The following LYPLAL1 variants were observed in gnomAD, a reference collection of about 807,000 sequenced individuals.
The protein encoded by LYPLAL1 is lysophospholipase like 1.
LYPLAL1 carries 23 observed loss-of-function variants against 19.7 expected under a neutral mutation model. The ratio of observed to expected loss-of-function variants is 1.17; its 90% CI spans 0.84 to 1.65. The LOEUF is 1.65. LYPLAL1 is among the 40% of genes most tolerant of loss of function. LYPLAL1 has a pLI of 0.00. For missense variants in LYPLAL1, 355 were observed against 279.4 expected (o/e 1.27, Z -1.93); for synonymous variants, 119 against 96.3 (o/e 1.24, Z -1.38).
the LYPLAL1 span, among the ~76,000 whole-genome samples, chr1:219,441,214 G>A: frequency 6.6e-6 from 1 of 152,294 alleles, no homozygotes; most frequent in East Asian, 1.9e-4. Flanking sequence ...ATGCTGATTT[G>A]AAGATATTTT....
intron 2 of LYPLAL1, among the ~76,000 whole-genome samples, chr1:219,181,011 T>C (rs1656230790): frequency 6.6e-6 from 1 of 152,146 alleles, no homozygotes; most frequent in South Asian, 2.1e-4. Context: ...TACTCACCAA[T>C]AGAAATGTAA....
downstream of LYPLAL1, among the ~76,000 whole-genome samples, chr1:219,216,957 G>A (rs1659312052): frequency 6.6e-6 from 1 of 152,118 alleles, no homozygotes; most frequent in Admixed American, 6.5e-5. Context: ...GTTGTTTCAA[G>A]TAGAATTAAT....
At chr1:219,425,567 C>T in the LYPLAL1 span, among the ~76,000 whole-genome samples, 1 of 152,130 alleles carries the variant, frequency 6.6e-6, no homozygotes, top group East Asian at 1.9e-4. Context: ...TTTGTTAATC[C>T]TCAATTGCCT....
the LYPLAL1 span, among the ~76,000 whole-genome samples, chr1:219,358,819 AGTGCGTGTGTGT>A: frequency 5.3e-5 from 8 of 151,558 alleles, no homozygotes; most frequent in Non-Finnish European, 7.4e-5. Context: ...ACATAATTAT[AGTGCGTGTGTGT>A]GTGCGTGTGT....
the LYPLAL1 span, among the ~76,000 whole-genome samples, chr1:219,361,538 C>CT: frequency 6.6e-6 from 1 of 152,078 alleles, no homozygotes; most frequent in Non-Finnish European, 1.5e-5. Flanking sequence ...TTACCTTGCA[C>CT]TTTTTTTCTC....
chr1:219,244,104 C>A, the LYPLAL1 span, among the ~76,000 whole-genome samples: 3 of 151,796 alleles, frequency 2.0e-5, no homozygotes, highest in Admixed American at 6.6e-5. Flanking sequence ...TCGATTTGAG[C>A]CTTTTAAAAG....
chr1:219,378,614 A>G, the LYPLAL1 span, among the ~76,000 whole-genome samples: 2 of 151,836 alleles, frequency 1.3e-5, no homozygotes, highest in African/African-American at 2.4e-5. Context: ...GGAGGTGGAG[A>G]GAAGGTTCTC....
chr1:219,309,913 A>G, the LYPLAL1 span, among the ~76,000 whole-genome samples: 3 of 152,360 alleles, frequency 2.0e-5, no homozygotes, highest in Admixed American at 6.5e-5. Flanking sequence ...ACAGAAACCA[A>G]AATGGTAAGT....
At chr1:219,251,611 C>T in the LYPLAL1 span, among the ~76,000 whole-genome samples, 1 of 151,678 alleles carries the variant, frequency 6.6e-6, no homozygotes, top group Non-Finnish European at 1.5e-5. Context: ...TATTTCGGGG[C>T]TCTCTATTCT....
chr1:219,420,741 A>C, the LYPLAL1 span, among the ~76,000 whole-genome samples: 1 of 152,208 alleles, frequency 6.6e-6, no homozygotes, highest in African/African-American at 2.4e-5. Context: ...TTCAGGAGAA[A>C]CAAAGGCATA....
chr1:219,393,117 C>T, the LYPLAL1 span, among the ~76,000 whole-genome samples: 1 of 152,298 alleles, frequency 6.6e-6, no homozygotes, highest in East Asian at 1.9e-4. Context: ...GGGTTGGTTA[C>T]TGGGCTCCCC....
chr1:219,346,742 TG>T, the LYPLAL1 span, among the ~76,000 whole-genome samples: 2 of 151,966 alleles, frequency 1.3e-5, no homozygotes, highest in African/African-American at 4.8e-5. Context: ...GCCCCATAAG[TG>T]GGGGGCCATA....
the LYPLAL1 span, among the ~76,000 whole-genome samples, chr1:219,269,978 A>C: frequency 6.6e-6 from 1 of 152,254 alleles, no homozygotes; most frequent in Non-Finnish European, 1.5e-5. Context: ...TAGATGGGCT[A>C]TAATACTTGA....
chr1:219,297,040 C>T, the LYPLAL1 span, among the ~76,000 whole-genome samples: 1 of 152,116 alleles, frequency 6.6e-6, no homozygotes, highest in Non-Finnish European at 1.5e-5. Context: ...AGGTGGAATT[C>T]CTTCATATAA....
the LYPLAL1 span, among the ~76,000 whole-genome samples, chr1:219,354,862 T>C: frequency 6.6e-6 from 1 of 152,098 alleles, no homozygotes; most frequent in African/African-American, 2.4e-5. Flanking sequence ...AAATATAAAA[T>C]ACTTTTTTCT....
In LYPLAL1 at chr1:219,179,196, A is replaced by C. The variant is rs1398055381; in HGVS notation, c.141A>C (p.Gln47His). Residue 47 changes from glutamine (Q) to histidine (H), a missense_variant, in exon 2 of 5, where the codon CAA (glutamine) becomes CAC (histidine). By Grantham distance (24) the Gln-to-His change is conservative. Transcript: ENST00000366928. Reference protein sequence around the residue: ...LRMWIKQVLNQDLTFQHIKII... With the variant: ...LRMWIKQVLNHDLTFQHIKII... ...TGTGGATCAAGCAGGTTTTAAATCA[A>C]GATTTAACATTCCAACACATAAAAA... The C allele has an allele frequency of 6.2e-7, 1 of 1,612,676 alleles. No homozygotes were observed. Among genetic ancestry groups the C allele is most frequent in the African/African-American group, 1.3e-5 (1 of 74,844 alleles).
chr1:219,193,298 A>C lies in LYPLAL1; in HGVS notation c.361+47A>C, dbSNP rs756045724. On this transcript the variant is annotated intron_variant, in intron 3 of 4. Transcript: ENST00000366928. ...AATTTATCACTGTTCACTTTTGTCT[A>C]ATTCTATACATCAAATCTTACTTGG... The C allele has an allele frequency of 5.5e-6, 8 of 1,449,326 alleles. No homozygotes were observed. In the South Asian group the frequency reaches 8.7e-5, roughly 16 times the overall value. The allele number at this position is 1,449,326 out of a possible 1,614,324, so 89.8% of individuals were successfully genotyped here. A position where few individuals can be genotyped will look rare whatever the true frequency, so the allele number is the denominator to read the frequency against.
At chr1:219,229,674 A>G in the LYPLAL1 span, among the ~76,000 whole-genome samples, 1 of 152,204 alleles carries the variant, frequency 6.6e-6, no homozygotes, top group Admixed American at 6.5e-5. Flanking sequence ...TTCAGCTGTA[A>G]GTATTCACCG....
chr1:219,309,609 T>C, the LYPLAL1 span, among the ~76,000 whole-genome samples: 1 of 152,134 alleles, frequency 6.6e-6, no homozygotes, highest in Admixed American at 6.5e-5. Context: ...TGTGAATAAA[T>C]CTCATGAGAT....
Sources: allele counts gnomAD v4.1 joint callset (sites outside exome capture counted in the v4.1 genomes callset), GRCh38; gene constraint gnomAD v4.1.1; transcripts MANE v1.5; gene names NCBI Gene and HGNC (gene_info 2026-07-23, HGNC 2026-07-21).